Variants in USP49 observed in about 807,000 individuals in gnomAD.
USP49 encodes the protein ubiquitin specific peptidase 49.
In USP49, 24 loss-of-function variants were observed where a neutral mutation model predicts 58.6. That is an observed-to-expected ratio of 0.41 (90% CI 0.30 to 0.58). USP49 has a LOEUF of 0.58. USP49 is among the 20% of genes least tolerant of loss of function. The pLI, the probability that USP49 is intolerant of heterozygous loss-of-function variation, is 0.30. For missense variants in USP49, 703 were observed against 866.1 expected (o/e 0.81, Z 2.36); for synonymous variants, 408 against 365.1 (o/e 1.12, Z -1.34).
chr6:41,835,382 G>A (rs1284996868), intron 3 of USP49, among the ~76,000 whole-genome samples: 1 of 152,124 alleles, frequency 6.6e-6, no homozygotes, highest in Non-Finnish European at 1.5e-5. Flanking sequence ...ATGGAAAATG[G>A]AAGGAATTGG....
intron 3 of USP49, among the ~76,000 whole-genome samples, chr6:41,828,117 T>C (rs1206529918): frequency 6.6e-6 from 1 of 152,150 alleles, no homozygotes; most frequent in Non-Finnish European, 1.5e-5. Flanking sequence ...CCACTAAAGC[T>C]ACCACTCACA....
chr6:41,835,877 C>G (rs1415148324), intron 3 of USP49, among the ~76,000 whole-genome samples: 1 of 151,838 alleles, frequency 6.6e-6, no homozygotes, highest in Admixed American at 6.6e-5. Context: ...AGTTCAAGAT[C>G]AGCCTGAGGA....
At chr6:41,823,975 C>A (rs1231274131) in intron 3 of USP49, among the ~76,000 whole-genome samples, 1 of 152,192 alleles carries the variant, frequency 6.6e-6, no homozygotes, top group African/African-American at 2.4e-5. Context: ...CAGTTTCTTA[C>A]TGCCTAAAGT....
chr6:41,802,459 TATTTATTTA>T lies in USP49; in HGVS notation c.1561+1338_1561+1346del, dbSNP rs1284167170. ...TTATTTATTTATTTATTTATTTATTTATTTATTTATTTTTTATTTATTTTTTTTTTTTGA... is the reference window on the plus strand; with the variant it reads ...TTATTTATTTATTTATTTATTTATTTTTTTTTATTTATTTTTTTTTTTTGA... On this transcript the variant is annotated intron_variant, in intron 5 of 7. Transcript: ENST00000682992. Among the ~76,000 whole-genome samples, 257 of 97,308 alleles carry T rather than the reference TATTTATTTA, an allele frequency of 2.6e-3. 1 individual carries two copies. The highest frequency in any genetic ancestry group is 4.7e-3 in the East Asian group (17 of 3,650). The allele number at this position is 97,308 out of a possible 152,430, so 63.8% of individuals were successfully genotyped here.
At chr6:41,869,068 T>C (rs1361165798) in intron 3 of USP49, among the ~76,000 whole-genome samples, 2 of 150,162 alleles carry the variant, frequency 1.3e-5, no homozygotes, top group African/African-American at 2.5e-5. Context: ...CTGGCCTGTT[T>C]CTGTTCTTAG....
At chr6:41,834,104 G>A (rs1773684407) in intron 3 of USP49, among the ~76,000 whole-genome samples, 3 of 152,186 alleles carry the variant, frequency 2.0e-5, no homozygotes, top group African/African-American at 4.8e-5. Context: ...AAGGAAATTT[G>A]TCCTATTTAA....
At chr6:41,859,864 A>C (rs1774190564) in intron 3 of USP49, among the ~76,000 whole-genome samples, 1 of 152,236 alleles carries the variant, frequency 6.6e-6, no homozygotes, top group Non-Finnish European at 1.5e-5. Context: ...GCAGTAAAAT[A>C]AACTAGAATA....
At chr6:41,799,217 C>G (rs1023001606) in intron 6 of USP49, among the ~76,000 whole-genome samples, 2 of 151,944 alleles carry the variant, frequency 1.3e-5, no homozygotes, top group African/African-American at 2.4e-5. Flanking sequence ...GTGATCCCCC[C>G]ACCTCAGCCT....
chr6:41,797,436 A>G (rs922295148), intron 7 of USP49, among the ~76,000 whole-genome samples: 1 of 152,200 alleles, frequency 6.6e-6, no homozygotes, highest in Non-Finnish European at 1.5e-5. Flanking sequence ...AGGAACAAAA[A>G]AGTATTTATT....
At chr6:41,808,345 CTTCAA>C (rs1032472383) in intron 3 of USP49, among the ~76,000 whole-genome samples, 15 of 150,924 alleles carry the variant, frequency 9.9e-5, no homozygotes, top group African/African-American at 3.7e-4. Context: ...AATAATGCTT[CTTCAA>C]TTCAATAATC....
At chr6:41,844,592 C>T (rs1282420453) in intron 3 of USP49, among the ~76,000 whole-genome samples, 1 of 152,070 alleles carries the variant, frequency 6.6e-6, no homozygotes, top group Non-Finnish European at 1.5e-5. Flanking sequence ...GAATTACAGG[C>T]GTGAGCCACC....
intron 3 of USP49, among the ~76,000 whole-genome samples, chr6:41,855,909 A>G (rs767207424): frequency 6.6e-6 from 1 of 151,912 alleles, no homozygotes; most frequent in African/African-American, 2.4e-5. Flanking sequence ...TTAGCTGAGC[A>G]TGGTGGTGCA....
chr6:41,798,465 G>A lies in USP49; in HGVS notation c.1876+259C>T, dbSNP rs9471661. On this transcript the variant is annotated intron_variant, in intron 7 of 7. Coordinates refer to ENST00000682992, the MANE Select transcript of USP49 (RefSeq NM_001286554.2). ...ATTTTTGTACTATTTTAGTAGAGAC[G>A]GGGTTTAACCATGTTGGCCAGGCTG... The A allele has an allele frequency of 1.9e-3, 1,745 of 923,982 alleles. 14 individuals carry two copies. The highest frequency in any genetic ancestry group is 0.019 in the African/African-American group (1,113 of 59,218). The allele number at this position is 923,982 out of a possible 1,614,324, so 57.2% of individuals were successfully genotyped here.
intron 3 of USP49, among the ~76,000 whole-genome samples, chr6:41,818,862 T>A (rs943012225): frequency 6.6e-6 from 1 of 152,142 alleles, no homozygotes; most frequent in African/African-American, 2.4e-5. Context: ...TTAGCCATAC[T>A]GTATATGTGA....
chr6:41,791,320 A>G lies in USP49; in HGVS notation c.*5213T>C, dbSNP rs948943212. 5 of 152,236 alleles carry G rather than the reference A, an allele frequency of 3.3e-5. No individual in the cohort carries two copies. The highest frequency in any genetic ancestry group is 1.2e-4 in the African/African-American group (5 of 41,466). The allele number at this position is 152,236 out of a possible 1,614,324, so 9.4% of individuals were successfully genotyped here. A position where few individuals can be genotyped will look rare whatever the true frequency, so the allele number is the denominator to read the frequency against. ...AAAAGATTTCAAATCTATGTTTCCC[A>G]GGCTGGTCTTGAGCTCCTGGCCTCA... On this transcript the variant is annotated 3_prime_UTR_variant, in exon 8 of 8. Coordinates refer to ENST00000682992, the MANE Select transcript of USP49 (RefSeq NM_001286554.2).
At chr6:41,870,688 A>AT (rs70987539) in intron 3 of USP49, among the ~76,000 whole-genome samples, 121 of 116,024 alleles carry the variant, frequency 1.0e-3, no homozygotes, top group Admixed American at 5.1e-3. Flanking sequence ...CACCTGGCTA[A>AT]TTTTTTTTTT....
intron 3 of USP49, among the ~76,000 whole-genome samples, chr6:41,825,990 G>A (rs1773530511): frequency 1.3e-5 from 2 of 152,232 alleles, no homozygotes; most frequent in Non-Finnish European, 2.9e-5. Context: ...TGGGCCAGGT[G>A]CAGTGGCTCA....
chr6:41,860,714 G>A (rs1203246348), intron 3 of USP49, among the ~76,000 whole-genome samples: 1 of 151,928 alleles, frequency 6.6e-6, no homozygotes, highest in Non-Finnish European at 1.5e-5. Flanking sequence ...GTTTCACCAT[G>A]TTGGCCAGGA....
intron 5 of USP49, among the ~76,000 whole-genome samples, chr6:41,802,462 TTATTTA>T (rs1561902692): frequency 2.3e-4 from 19 of 84,196 alleles, no homozygotes; most frequent in East Asian, 9.7e-4. Flanking sequence ...ATTTATTTAT[TTATTTA>T]TTTTTTATTT....
Sources: allele counts gnomAD v4.1 joint callset (sites outside exome capture counted in the v4.1 genomes callset), GRCh38; gene constraint gnomAD v4.1.1; transcripts MANE v1.5; gene names NCBI Gene and HGNC (gene_info 2026-07-23, HGNC 2026-07-21).